LRP1B: variants seen among roughly 807,000 people sequenced by gnomAD.
LRP1B encodes the protein LDL receptor related protein 1B.
A neutral mutation model predicts 556.6 loss-of-function variants in LRP1B; 217 were observed. The ratio of observed to expected loss-of-function variants is 0.39; its 90% CI spans 0.35 to 0.44. LRP1B has a LOEUF of 0.44. LRP1B is among the 20% of genes least tolerant of loss of function. The pLI is 1.00. For missense variants in LRP1B, 5,053 were observed against 5,620.8 expected (o/e 0.90, Z 3.23); for synonymous variants, 2,047 against 1,865.8 (o/e 1.10, Z -2.50).
intron 46 of LRP1B, 36 bp downstream of exon 46, chr2:140,536,545 T>G: frequency 6.3e-7 from 1 of 1,578,688 alleles, no homozygotes; most frequent in Non-Finnish European, 8.6e-7. Flanking sequence ...TCAGAAAACT[T>G]TATCTGAAAC....
intron 37 of LRP1B, among the ~76,000 whole-genome samples, chr2:140,710,862 G>A (rs1179463185): frequency 6.6e-6 from 1 of 152,038 alleles, no homozygotes; most frequent in African/African-American, 2.4e-5. Context: ...CATTTTAGGA[G>A]TTCAATGATG....
At chr2:142,063,338 G>A (rs1180702584) in intron 1 of LRP1B, among the ~76,000 whole-genome samples, 1 of 151,280 alleles carries the variant, frequency 6.6e-6, no homozygotes, top group Non-Finnish European at 1.5e-5. Flanking sequence ...TAAAAGGCAG[G>A]GACTATCAAA....
intron 32 of LRP1B, among the ~76,000 whole-genome samples, chr2:140,780,433 T>C (rs1689657623): frequency 6.6e-6 from 1 of 152,178 alleles, no homozygotes; most frequent in Admixed American, 6.5e-5. Flanking sequence ...CATTTCTGTC[T>C]CCTAGGCCAA....
intron 86 of LRP1B, among the ~76,000 whole-genome samples, chr2:140,269,682 G>C (rs1558760155): frequency 6.6e-6 from 1 of 151,820 alleles, no homozygotes; most frequent in Admixed American, 6.6e-5. Context: ...GATCATGGAG[G>C]GGGGAAAATA....
chr2:140,485,486 G>A lies in LRP1B; in HGVS notation c.9282C>T (p.Val3094=), dbSNP rs566959323. Residue 3094 remains valine, a synonymous_variant, in exon 59 of 91, where the codon GTC becomes GTT. Coordinates refer to ENST00000389484, the MANE Select transcript of LRP1B (RefSeq NM_018557.3). ...HNTAVPNALA[V]DWIGKNLYWS... ...AATAGAGGTTTTTTCCAATCCAATC[G>A]ACAGCAAGTGCATTGGGGACCGCTG... The A allele has an allele frequency of 1.1e-5, 18 of 1,613,582 alleles. No homozygotes were observed. The highest frequency in any genetic ancestry group is 6.6e-5 in the South Asian group (6 of 91,042).
intron 2 of LRP1B, among the ~76,000 whole-genome samples, chr2:141,696,316 T>C (rs1449945757): frequency 6.6e-6 from 1 of 151,974 alleles, no homozygotes; most frequent in Non-Finnish European, 1.5e-5. Flanking sequence ...AAAATACTCA[T>C]GTAACAGAAT....
chr2:141,570,987 A>G (rs1026211162), intron 2 of LRP1B, among the ~76,000 whole-genome samples: 1 of 151,348 alleles, frequency 6.6e-6, no homozygotes, highest in Admixed American at 6.6e-5. Flanking sequence ...GGTAGTTCTG[A>G]GACATCCAGG....
intron 3 of LRP1B, among the ~76,000 whole-genome samples, chr2:141,397,589 T>C (rs7580306): frequency 0.086 from 13,059 of 151,938 alleles, 864 homozygotes; most frequent in African/African-American, 0.18. Context: ...AAGGCAACTA[T>C]TATATTCAGC....
intron 1 of LRP1B, among the ~76,000 whole-genome samples, chr2:141,913,660 C>T (rs933932898): frequency 2.6e-5 from 4 of 152,152 alleles, no homozygotes; most frequent in African/African-American, 4.8e-5. Context: ...AGGAAGATTT[C>T]GGTGTAGGTA....
chr2:140,819,893 T>A (rs926691133), intron 31 of LRP1B, among the ~76,000 whole-genome samples: 2 of 152,204 alleles, frequency 1.3e-5, no homozygotes, highest in Non-Finnish European at 1.5e-5. Flanking sequence ...CATTTTCTTA[T>A]AAAATTCAGC....
At chr2:142,067,943 A>C (rs1705168520) in intron 1 of LRP1B, among the ~76,000 whole-genome samples, 1 of 151,602 alleles carries the variant, frequency 6.6e-6, no homozygotes, top group South Asian at 2.1e-4. Flanking sequence ...GTATTAGCAT[A>C]ATCTTTGCTC....
intron 49 of LRP1B, among the ~76,000 whole-genome samples, chr2:140,524,624 A>T (rs1372358356): frequency 6.6e-6 from 1 of 151,968 alleles, no homozygotes; most frequent in Non-Finnish European, 1.5e-5. Context: ...GTCATAAAAA[A>T]GTGAAATCAT....
chr2:141,584,615 A>C (rs1398275431), intron 2 of LRP1B, among the ~76,000 whole-genome samples: 1 of 152,218 alleles, frequency 6.6e-6, no homozygotes, highest in Admixed American at 6.5e-5. Flanking sequence ...CTAAATGTAC[A>C]ACATACACAC....
chr2:140,447,515 G>A (rs1240296907), intron 63 of LRP1B, among the ~76,000 whole-genome samples: 2 of 152,076 alleles, frequency 1.3e-5, no homozygotes, highest in Admixed American at 6.6e-5. Context: ...GTTAGGTAGG[G>A]CCTTGCTCTG....
chr2:141,785,998 C>T (rs1052353468), intron 2 of LRP1B, among the ~76,000 whole-genome samples: 3 of 151,696 alleles, frequency 2.0e-5, no homozygotes, highest in African/African-American at 7.3e-5. Flanking sequence ...AGTGAGCCAC[C>T]ACATTATTGT....
At chr2:140,738,902 T>C (rs1276519677) in intron 35 of LRP1B, among the ~76,000 whole-genome samples, 1 of 152,182 alleles carries the variant, frequency 6.6e-6, no homozygotes. Context: ...AGTCTATAAT[T>C]GGATCTTTTG....
intron 14 of LRP1B, among the ~76,000 whole-genome samples, chr2:141,009,754 A>G (rs1697687638): frequency 6.6e-6 from 1 of 152,012 alleles, no homozygotes; most frequent in African/African-American, 2.4e-5. Flanking sequence ...AAAAATATAT[A>G]TTTGAATGCA....
intron 41 of LRP1B, among the ~76,000 whole-genome samples, chr2:140,677,524 G>A (rs540914073): frequency 1.1e-4 from 17 of 152,192 alleles, no homozygotes; most frequent in South Asian, 2.1e-4. Flanking sequence ...TGAAAGGACC[G>A]TTTCTCAATG....
At chr2:141,247,669 T>C (rs890007952) in intron 4 of LRP1B, among the ~76,000 whole-genome samples, 8 of 152,136 alleles carry the variant, frequency 5.3e-5, no homozygotes, top group Non-Finnish European at 1.0e-4. Flanking sequence ...TGTTGAATAT[T>C]TCCAGTGTTT....
Sources: gnomAD v4.1 joint callset for allele counts (sites outside exome capture counted in the v4.1 genomes callset) on GRCh38, gnomAD v4.1.1 for gene constraint, MANE v1.5 for transcripts, NCBI Gene and HGNC (gene_info 2026-07-23, HGNC 2026-07-21) for gene names.